ITPR1: variants seen among roughly 807,000 people sequenced by gnomAD.
ITPR1 encodes inositol 1,4,5-trisphosphate-gated calcium channel ITPR1.
A neutral mutation model predicts 318.4 loss-of-function variants in ITPR1; 96 were observed. That is an observed-to-expected ratio of 0.30 (90% CI 0.26 to 0.36). The LOEUF is 0.36. Ranked by LOEUF, ITPR1 falls within the 10% of genes least tolerant of loss-of-function variation. The probability of loss-of-function intolerance (pLI) is 1.00; values close to 1 mark genes in which losing one functional copy is unlikely to be tolerated. For missense variants in ITPR1, 2,440 were observed against 3,460.2 expected (o/e 0.71, Z 7.40); for synonymous variants, 1,312 against 1,289.9 (o/e 1.02, Z -0.37).
intron 21 of ITPR1, 102 bp from the exon 22 acceptor site, chr3:4,674,100 C>T (rs964655013): frequency 9.3e-6 from 8 of 862,122 alleles, no homozygotes; most frequent in Non-Finnish European, 1.4e-5. Flanking sequence ...TCAAGGGATG[C>T]CAAGGGTTAG....
intron 4 of ITPR1, among the ~76,000 whole-genome samples, chr3:4,583,805 G>A (rs1036880418): frequency 1.3e-5 from 2 of 152,126 alleles, no homozygotes; most frequent in Admixed American, 6.5e-5. Flanking sequence ...TTGCAGGATG[G>A]GGGTACCCTG....
At chr3:4,803,683 AGGCTGTCTTCTATG>A (rs944980825) in intron 54 of ITPR1, among the ~76,000 whole-genome samples, 5 of 152,328 alleles carry the variant, frequency 3.3e-5, no homozygotes, top group African/African-American at 1.2e-4. Context: ...AGTATTTCAG[AGGCTGTCTTCTATG>A]GGCTGTCTAG....
At chr3:4,683,854 G>C (rs1299635563) in intron 28 of ITPR1, 56 bp downstream of exon 28, 2 of 1,480,834 alleles carry the variant, frequency 1.4e-6, no homozygotes, top group Non-Finnish European at 1.9e-6. Context: ...CTCGAAACTA[G>C]GGAGCATCCT....
chr3:4,606,468 A>G (rs1168797547), intron 4 of ITPR1, among the ~76,000 whole-genome samples: 1 of 152,060 alleles, frequency 6.6e-6, no homozygotes, highest in Non-Finnish European at 1.5e-5. Context: ...GCCTGGAAGG[A>G]AAAAAAAGAA....
intron 7 of ITPR1, among the ~76,000 whole-genome samples, 165 bp from the exon 8 acceptor site, chr3:4,643,971 G>A (rs906845243): frequency 5.3e-5 from 8 of 151,834 alleles, no homozygotes; most frequent in Non-Finnish European, 1.2e-4. Flanking sequence ...CTCTGCACAG[G>A]GTCAGGTTTT....
At chr3:4,673,798 G>A (rs960057536) in intron 21 of ITPR1, among the ~76,000 whole-genome samples, 4 of 152,136 alleles carry the variant, frequency 2.6e-5, no homozygotes, top group Non-Finnish European at 5.9e-5. Flanking sequence ...TAGCTAGGAC[G>A]GTCTCGATCT....
intron 2 of ITPR1, among the ~76,000 whole-genome samples, chr3:4,500,238 T>C (rs2124872473): frequency 6.6e-6 from 1 of 152,360 alleles, no homozygotes; most frequent in East Asian, 1.9e-4. Flanking sequence ...CTTACTCTGC[T>C]GCCCAGGCTG....
At chr3:4,700,363 A>G (rs1310842851) in intron 35 of ITPR1, among the ~76,000 whole-genome samples, 5 of 152,234 alleles carry the variant, frequency 3.3e-5, no homozygotes, top group Admixed American at 2.6e-4. Flanking sequence ...GTCATCTCAT[A>G]TACTACTCTA....
chr3:4,741,676 C>A (rs185874637), intron 44 of ITPR1, among the ~76,000 whole-genome samples: 3 of 152,218 alleles, frequency 2.0e-5, no homozygotes, highest in Admixed American at 2.0e-4. Flanking sequence ...ATCTCTGACC[C>A]CAGTTAGCAA....
At chr3:4,685,775 G>C (rs1486313389) in intron 30 of ITPR1, among the ~76,000 whole-genome samples, 3 of 152,218 alleles carry the variant, frequency 2.0e-5, no homozygotes, top group African/African-American at 7.2e-5. Context: ...GGAGGCAGGA[G>C]CAGGCTGACA....
intron 4 of ITPR1, among the ~76,000 whole-genome samples, chr3:4,615,979 A>G (rs192180141): frequency 4.3e-4 from 65 of 152,250 alleles, no homozygotes; most frequent in African/African-American, 1.3e-3. Context: ...AACACGGTCT[A>G]TGTTTTTTGC....
intron 4 of ITPR1, among the ~76,000 whole-genome samples, chr3:4,555,102 G>T (rs1049878571): frequency 6.6e-6 from 1 of 152,134 alleles, no homozygotes; most frequent in Non-Finnish European, 1.5e-5. Flanking sequence ...AATAAAGGAT[G>T]AAGTGTTGGA....
chr3:4,800,627 T>G (rs1276285807), intron 54 of ITPR1, 27 bp downstream of exon 54: 1 of 1,608,528 alleles, frequency 6.2e-7, no homozygotes, highest in Admixed American at 1.7e-5. Flanking sequence ...TCCTTGCCAC[T>G]GTTTTGTTTG....
rs1172833335 is a variant in ITPR1, at chr3:4,666,556, G to A, written c.1714-821G>A. Among the ~76,000 whole-genome samples, 3 of 152,204 alleles carry A rather than the reference G, an allele frequency of 2.0e-5. No homozygotes were observed. The East Asian group carries it at 5.8e-4, about 29-fold the overall frequency. On this transcript the variant is annotated intron_variant, in intron 17 of 61. Transcript: ENST00000649015. ...TCGGATCCTTTACCAGTTGGCAGAT[G>A]ATAAGTTCCTACACAATGCCTCCTT... is the stretch of plus-strand genomic sequence containing the variant.
intron 42 of ITPR1, among the ~76,000 whole-genome samples, chr3:4,728,114 A>G (rs1056855848): frequency 5.9e-5 from 9 of 152,250 alleles, no homozygotes; most frequent in African/African-American, 2.2e-4. Flanking sequence ...TGATGAAGAA[A>G]TGAATGAATG....
intron 4 of ITPR1, among the ~76,000 whole-genome samples, chr3:4,565,182 C>A (rs35218301): frequency 1.3e-5 from 2 of 152,268 alleles, no homozygotes; most frequent in East Asian, 3.9e-4. Context: ...GTTCTGTGAG[C>A]AGCCTCACTT....
chr3:4,561,340 C>T (rs1229619151), intron 4 of ITPR1, among the ~76,000 whole-genome samples: 3 of 152,114 alleles, frequency 2.0e-5, no homozygotes, highest in Non-Finnish European at 4.4e-5. Flanking sequence ...AATATACGAC[C>T]AATTCCAGTG....
chr3:4,502,521 AC>A, intron 2 of ITPR1, among the ~76,000 whole-genome samples: 1 of 151,286 alleles, frequency 6.6e-6, no homozygotes, highest in Non-Finnish European at 1.5e-5. Flanking sequence ...GCTCACTGCA[AC>A]CTCCGCCTGC....
intron 4 of ITPR1, among the ~76,000 whole-genome samples, chr3:4,557,126 C>T (rs1456443470): frequency 6.6e-6 from 1 of 152,134 alleles, no homozygotes; most frequent in African/African-American, 2.4e-5. Flanking sequence ...TGTTCTCACG[C>T]TGCTAATAAA....
Sources: gnomAD v4.1 joint callset for allele counts (sites outside exome capture counted in the v4.1 genomes callset) on GRCh38, gnomAD v4.1.1 for gene constraint, MANE v1.5 for transcripts, NCBI Gene and HGNC (gene_info 2026-07-23, HGNC 2026-07-21) for gene names.